MARCHF1: variants seen among roughly 807,000 people sequenced by gnomAD.
MARCHF1 encodes the protein E3 ubiquitin-protein ligase MARCHF1.
MARCHF1 carries 40 observed loss-of-function variants against 54.2 expected under a neutral mutation model. The observed-to-expected ratio is 0.74, with a 90% CI of 0.57 to 0.96. The LOEUF (loss-of-function observed/expected upper bound fraction) is 0.96. Among genes scored for constraint, MARCHF1 ranks in the 40% least tolerant of loss-of-function variants. The pLI is 0.00. For synonymous variants in MARCHF1, 236 were observed against 236.3 expected, an observed-to-expected ratio of 1.00 and a Z score of 0.01; for missense variants, 586 against 656.5, an observed-to-expected ratio of 0.89 and a Z score of 1.17.
At chr4:163,761,991 A>G (rs945463176) in intron 4 of MARCHF1, among the ~76,000 whole-genome samples, 1 of 152,194 alleles carries the variant, frequency 6.6e-6, no homozygotes, top group Non-Finnish European at 1.5e-5. Flanking sequence ...AGGCCAAATA[A>G]TAATTTATTT....
intron 1 of MARCHF1, among the ~76,000 whole-genome samples, chr4:164,296,030 A>G (rs1022713080): frequency 1.3e-5 from 2 of 152,232 alleles, no homozygotes; most frequent in African/African-American, 4.8e-5. Flanking sequence ...AAAACAAAAT[A>G]GGAGTCTCTT....
chr4:163,921,989 A>T (rs1191094844), intron 3 of MARCHF1, among the ~76,000 whole-genome samples: 1 of 152,150 alleles, frequency 6.6e-6, no homozygotes, highest in African/African-American at 2.4e-5. Flanking sequence ...ACAATGATAG[A>T]CTGGATTAAG....
intron 1 of MARCHF1, among the ~76,000 whole-genome samples, chr4:164,381,849 TAGAA>T (rs772336726): frequency 6.6e-6 from 1 of 152,126 alleles, no homozygotes; most frequent in African/African-American, 2.4e-5. Context: ...ACAACAAAGT[TAGAA>T]AGACGACTTC....
At chr4:163,939,290 A>G (rs554136524) in intron 3 of MARCHF1, among the ~76,000 whole-genome samples, 3 of 152,280 alleles carry the variant, frequency 2.0e-5, no homozygotes, top group Admixed American at 2.0e-4. Flanking sequence ...TAGAGACCTC[A>G]TCTGTTATTC....
At chr4:163,557,857 T>C (rs558361134) in intron 8 of MARCHF1, among the ~76,000 whole-genome samples, 6 of 152,324 alleles carry the variant, frequency 3.9e-5, no homozygotes, top group African/African-American at 1.2e-4. Context: ...AATTAAATGT[T>C]AAACCAATCT....
intron 1 of MARCHF1, among the ~76,000 whole-genome samples, chr4:164,266,129 T>C (rs924709434): frequency 6.6e-6 from 1 of 152,202 alleles, no homozygotes; most frequent in African/African-American, 2.4e-5. Flanking sequence ...TTGTCTCATT[T>C]TTAGAATAGA....
At chr4:163,680,397 A>T (rs1055704025) in intron 5 of MARCHF1, among the ~76,000 whole-genome samples, 1 of 152,206 alleles carries the variant, frequency 6.6e-6, no homozygotes, top group African/African-American at 2.4e-5. Context: ...GTCTTTTAAA[A>T]ACATTCAGGA....
intron 4 of MARCHF1, among the ~76,000 whole-genome samples, chr4:163,746,355 G>A (rs956702369): frequency 2.6e-5 from 4 of 152,040 alleles, no homozygotes; most frequent in South Asian, 2.1e-4. Flanking sequence ...TCTTTTTGGC[G>A]CTGAATAATA....
At chr4:164,165,870 T>C (rs1730367152) in intron 1 of MARCHF1, among the ~76,000 whole-genome samples, 1 of 151,946 alleles carries the variant, frequency 6.6e-6, no homozygotes, top group African/African-American at 2.4e-5. Flanking sequence ...ATACAACAAG[T>C]AGTCAGTGGG....
At chr4:163,586,648 G>A (rs112044103) in intron 7 of MARCHF1, among the ~76,000 whole-genome samples, 492 of 152,202 alleles carry the variant, frequency 3.2e-3, no homozygotes, top group African/African-American at 0.011. Flanking sequence ...CACCACTATC[G>A]TGCTATGTCC....
chr4:164,331,809 G>C (rs1351070572), intron 1 of MARCHF1, among the ~76,000 whole-genome samples: 1 of 152,122 alleles, frequency 6.6e-6, no homozygotes, highest in Non-Finnish European at 1.5e-5. Context: ...TTAATTTACA[G>C]TCTAGCTTAT....
intron 1 of MARCHF1, among the ~76,000 whole-genome samples, chr4:164,314,290 CAAGA>C (rs1734941520): frequency 6.6e-6 from 1 of 152,174 alleles, no homozygotes; most frequent in Non-Finnish European, 1.5e-5. Flanking sequence ...TAATTGCTAG[CAAGA>C]GAGAGCCATA....
At chr4:163,592,009 C>A (rs1051143725) in intron 7 of MARCHF1, among the ~76,000 whole-genome samples, 2 of 152,084 alleles carry the variant, frequency 1.3e-5, no homozygotes, top group African/African-American at 4.8e-5. Flanking sequence ...AGACAGCAAG[C>A]AATTTTGGAC....
intron 8 of MARCHF1, among the ~76,000 whole-genome samples, chr4:163,559,113 A>C (rs1305932964): frequency 1.3e-5 from 2 of 152,118 alleles, no homozygotes; most frequent in African/African-American, 4.8e-5. Flanking sequence ...TCAGCATTAA[A>C]ACCTATTTCT....
intron 2 of MARCHF1, among the ~76,000 whole-genome samples, chr4:164,097,324 T>C (rs1420512597): frequency 2.0e-5 from 3 of 152,194 alleles, no homozygotes; most frequent in Non-Finnish European, 4.4e-5. Flanking sequence ...CACTAATCTC[T>C]AACTGAAATT....
intron 2 of MARCHF1, among the ~76,000 whole-genome samples, chr4:164,022,692 C>T (rs866996147): frequency 2.2e-4 from 34 of 152,192 alleles, no homozygotes; most frequent in Non-Finnish European, 1.3e-4. Context: ...CGGCGGAGTG[C>T]GGCCATAGCT....
chr4:164,116,832 A>G (rs978178225), intron 1 of MARCHF1, among the ~76,000 whole-genome samples: 2 of 152,102 alleles, frequency 1.3e-5, no homozygotes, highest in Admixed American at 1.3e-4. Context: ...ATCTCTTAAC[A>G]TTGATGCTAA....
chr4:164,186,595 T>C (rs1241315427), intron 1 of MARCHF1, among the ~76,000 whole-genome samples: 1 of 152,170 alleles, frequency 6.6e-6, no homozygotes, highest in African/African-American at 2.4e-5. Flanking sequence ...GAGGAAAAGC[T>C]CTCCCACTCC....
chr4:163,979,797 T>C (rs1158077978), intron 3 of MARCHF1, among the ~76,000 whole-genome samples: 2 of 152,140 alleles, frequency 1.3e-5, no homozygotes, highest in Admixed American at 1.3e-4. Flanking sequence ...TTTTCATGTG[T>C]TTTTTGGCTG....
Sources: allele counts gnomAD v4.1 joint callset (sites outside exome capture counted in the v4.1 genomes callset), GRCh38; gene constraint gnomAD v4.1.1; transcripts MANE v1.5; gene names NCBI Gene and HGNC (gene_info 2026-07-23, HGNC 2026-07-21).